The following MGAM2 variants were observed in gnomAD, a reference collection of about 807,000 sequenced individuals.
MGAM2 encodes the protein probable maltase-glucoamylase 2.
A neutral mutation model predicts 96.1 loss-of-function variants in MGAM2; 98 were observed. That is an observed-to-expected ratio of 1.02 (90% CI 0.87 to 1.21). MGAM2 has a LOEUF of 1.21. Among genes scored for constraint, MGAM2 ranks in the 50% most tolerant of loss-of-function variants. The pLI is 0.00. For synonymous variants in MGAM2, 749 were observed against 414.8 expected, an observed-to-expected ratio of 1.81 and a Z score of -9.79; for missense variants, 2,055 against 1,182.4, an observed-to-expected ratio of 1.74 and a Z score of -10.82.
chr7:142,147,708 C>T (rs1476778251), intron 15 of MGAM2, 135 bp downstream of exon 15: 3 of 560,062 alleles, frequency 5.4e-6, no homozygotes. Flanking sequence ...ACTGTTCTTA[C>T]AGAGTATTTA....
Position 142,134,138 on chromosome 7 carries a change from G to T in MGAM2, c.733G>T (p.Ala245Ser), listed in dbSNP as rs377001484. 9.9e-5 allele frequency: 74 copies of T among 749,318 alleles called. No homozygotes were observed. The highest frequency in any genetic ancestry group is 1.7e-4 in the Non-Finnish European group (68 of 409,654). 46.4% of individuals were successfully genotyped at this position (749,318 alleles called of 1,614,324 possible). A position where few individuals can be genotyped will look rare whatever the true frequency, so the allele number is the denominator to read the frequency against. ...WKTWPIFTRD[A>S]TPTEGMINLY... is the part of the protein sequence containing the mutation. Reference sequence around the variant, plus strand: ...GACTTGGCCCATCTTCACCCGGGACGCTACCCCCACCGAGGTGAGGTGGCT... The same window carrying T: ...GACTTGGCCCATCTTCACCCGGGACTCTACCCCCACCGAGGTGAGGTGGCT... The change falls in exon 7 of 48, where the codon GCT becomes TCT. Residue 245 changes from alanine to serine, a missense_variant. Ala to Ser is a moderately conservative substitution (Grantham distance 99, BLOSUM62 1). Transcript: ENST00000477922.
At chr7:142,216,532 T>C (rs1444187533) in intron 46 of MGAM2, among the ~76,000 whole-genome samples, 1 of 152,202 alleles carries the variant, frequency 6.6e-6, no homozygotes, top group Non-Finnish European at 1.5e-5. Flanking sequence ...TATCAGCGGT[T>C]TCCTGGTTGG....
intron 6 of MGAM2, 128 bp downstream of exon 6, chr7:142,132,213 C>G (rs2129077526): frequency 2.0e-6 from 1 of 492,580 alleles, no homozygotes; most frequent in Non-Finnish European, 3.6e-6. Context: ...GAAAAATGTC[C>G]AAGGGTTTGC....
At position 142,136,525 on chromosome 7, in the gene MGAM2, TCTGTTTTG is replaced by T; in HGVS notation, c.748-12_748-5del. The T allele has an allele frequency of 1.5e-6, 1 of 662,472 alleles. No homozygotes were observed. The highest frequency in any genetic ancestry group is 2.7e-6 in the Non-Finnish European group (1 of 368,914). The allele number at this position is 662,472 out of a possible 1,614,324, so 41.0% of individuals were successfully genotyped here. On this transcript the variant is annotated splice_polypyrimidine_tract_variant and splice_region_variant and intron_variant, in intron 7 of 47. Coordinates refer to ENST00000477922, the MANE Select transcript of MGAM2 (RefSeq NM_001293626.2). ...CAACACATAACACTATGACTTTTCT[TCTGTTTTG>T]CTGATAGGGCATGATTAATCTGTAT...
chr7:142,127,950 G>T (rs1794774716), intron 3 of MGAM2, among the ~76,000 whole-genome samples: 1 of 152,196 alleles, frequency 6.6e-6, no homozygotes, highest in Non-Finnish European at 1.5e-5. Context: ...TTGGAATTGG[G>T]TAACAGGCTG....
chr7:142,181,905 TC>T lies in MGAM2; in HGVS notation c.3817-1360del, dbSNP rs559444722. Among the ~76,000 whole-genome samples the T allele has an allele frequency of 2.6e-4, 39 of 152,312 alleles. No individual in the cohort carries two copies. In the South Asian group the frequency reaches 8.1e-3, roughly 32 times the overall value. On this transcript the variant is annotated intron_variant, in intron 32 of 47. Coordinates refer to ENST00000477922, the MANE Select transcript of MGAM2 (RefSeq NM_001293626.2). ...CCCCCAACTGAGTCTCCTTCCAATG[TC>T]TGCTCTAGTAGCTGCCCTGACAAGC... is the stretch of plus-strand genomic sequence containing the variant.
At chr7:142,192,906 C>T (rs921946722) in intron 37 of MGAM2, among the ~76,000 whole-genome samples, 4 of 152,150 alleles carry the variant, frequency 2.6e-5, no homozygotes, top group Non-Finnish European at 4.4e-5. Context: ...TTGGAAAAAT[C>T]ATGGCATCTA....
intron 46 of MGAM2, among the ~76,000 whole-genome samples, chr7:142,214,806 TG>T (rs1360675147): frequency 6.6e-6 from 1 of 152,186 alleles, no homozygotes; most frequent in Non-Finnish European, 1.5e-5. Flanking sequence ...AAACAGCAGA[TG>T]CTGGAGAGGA....
At chr7:142,137,713 G>A (rs1250599134) in intron 9 of MGAM2, among the ~76,000 whole-genome samples, 168 bp downstream of exon 9, 1 of 152,184 alleles carries the variant, frequency 6.6e-6, no homozygotes, top group Non-Finnish European at 1.5e-5. Context: ...TTTATTGGGT[G>A]CTTTCTGCAT....
chr7:142,171,869 G>A (rs1796206629), intron 28 of MGAM2, among the ~76,000 whole-genome samples: 1 of 151,338 alleles, frequency 6.6e-6, no homozygotes, highest in Admixed American at 6.6e-5. Flanking sequence ...TGGAATCACT[G>A]AATTATGTAA....
chr7:142,210,539 G>A (rs1051554854), intron 46 of MGAM2, among the ~76,000 whole-genome samples: 2 of 152,148 alleles, frequency 1.3e-5, no homozygotes, highest in Admixed American at 1.3e-4. Context: ...TTGAGTAGGC[G>A]GTTTTCCCCT....
At chr7:142,137,131 G>T (rs952089347) in intron 8 of MGAM2, among the ~76,000 whole-genome samples, 4 of 150,476 alleles carry the variant, frequency 2.7e-5, no homozygotes, top group Admixed American at 6.6e-5. Flanking sequence ...TTTTTATAAC[G>T]TTTTTTGAGT....
chr7:142,125,102 G>A (rs1794697566), intron 3 of MGAM2, among the ~76,000 whole-genome samples: 1 of 152,064 alleles, frequency 6.6e-6, no homozygotes, highest in Non-Finnish European at 1.5e-5. Flanking sequence ...TATCTGAAAG[G>A]CAACATGCAG....
chr7:142,214,344 A>T (rs1419339032), intron 46 of MGAM2, among the ~76,000 whole-genome samples: 1 of 152,192 alleles, frequency 6.6e-6, no homozygotes, highest in African/African-American at 2.4e-5. Flanking sequence ...AGCTTATTCA[A>T]ATAGGAAGAG....
chr7:142,185,628 A>AAAGCTTTTGCT (rs1483143635), intron 34 of MGAM2, among the ~76,000 whole-genome samples: 1 of 152,196 alleles, frequency 6.6e-6, no homozygotes, highest in Non-Finnish European at 1.5e-5. Context: ...TAGTCTGGAA[A>AAAGCTTTTGCT]AAGCTTTTGC....
rs1187383904 is a variant in MGAM2 at position 142,218,493 on chromosome 7, T to C, written c.5320T>C (p.Phe1774Leu). ...CAGTTTCACCTATGACAACCGGCAA[T>C]TTATGGAGACAAATTTCAAGAGTGA... Reference protein sequence around the residue: ...QVSFTYDNRQFMETNFKSEPY... With the variant: ...QVSFTYDNRQLMETNFKSEPY... Residue 1774 changes from phenylalanine (F) to leucine (L), a missense_variant, in exon 47 of 48, where the codon TTT becomes CTT. By Grantham distance (22) the Phe-to-Leu change is conservative (BLOSUM62 0). Transcript: ENST00000477922. 9 of 700,328 alleles carry C rather than the reference T, an allele frequency of 1.3e-5. No individual in the cohort carries two copies. Among genetic ancestry groups the C allele is most frequent in the Non-Finnish European group, 2.1e-5 (8 of 384,028 alleles). The allele number at this position is 700,328 out of a possible 1,614,324, so 43.4% of individuals were successfully genotyped here.
Position 142,167,307 on chromosome 7 carries a change from A to T in MGAM2, c.2848A>T (p.Thr950Ser), listed in dbSNP as rs1585180728. 1 of 702,506 alleles carries T rather than the reference A, an allele frequency of 1.4e-6. No individual in the cohort carries two copies. The highest frequency in any genetic ancestry group is 2.7e-5 in the East Asian group (1 of 37,258). The allele number at this position is 702,506 out of a possible 1,614,324, so 43.5% of individuals were successfully genotyped here. Residue 950 changes from threonine to serine, a missense_variant, in exon 26 of 48, where the codon ACC becomes TCC. Physicochemically the swap from Thr to Ser is moderately conservative, Grantham distance 58. Transcript: ENST00000477922. ...TPGVPTCYYDTIPNYVASDIQ... is the reference protein window; with the variant it reads ...TPGVPTCYYDSIPNYVASDIQ... ...TGGAGTGCCCACCTGTTACTATGAC[A>T]CCATCCCTAATTATGTTGCTAGTGA...
intron 46 of MGAM2, among the ~76,000 whole-genome samples, chr7:142,212,055 G>T (rs536401406): frequency 6.6e-6 from 1 of 152,258 alleles, no homozygotes; most frequent in South Asian, 2.1e-4. Context: ...TTAAAGAAAA[G>T]AATTTTCAAC....
At chr7:142,151,744 T>C (rs1795586076) in intron 15 of MGAM2, among the ~76,000 whole-genome samples, 1 of 152,196 alleles carries the variant, frequency 6.6e-6, no homozygotes. Context: ...CTAATAGTTA[T>C]GGTTAATAGT....
Sources: gnomAD v4.1 joint callset for allele counts (sites outside exome capture counted in the v4.1 genomes callset) on GRCh38, gnomAD v4.1.1 for gene constraint, MANE v1.5 for transcripts, NCBI Gene and HGNC (gene_info 2026-07-23, HGNC 2026-07-21) for gene names.